TTC28: variants seen among roughly 807,000 people sequenced by gnomAD.
TTC28 encodes the protein tetratricopeptide repeat domain 28, also known as tetratricopeptide repeat protein 28.
In TTC28, 61 loss-of-function variants were observed where a neutral mutation model predicts 198.0. The observed-to-expected ratio is 0.31, with a 90% CI of 0.25 to 0.38. The LOEUF is 0.38. Ranked by LOEUF, TTC28 falls within the 10% of genes least tolerant of loss-of-function variation. The pLI is 1.00. For synonymous variants in TTC28, 1,171 were observed against 1,297.8 expected (o/e 0.90, Z 2.10); for missense variants, 2,678 against 3,164.0 (o/e 0.85, Z 3.69).
At chr22:28,274,230 A>T (rs1932269108) in intron 5 of TTC28, among the ~76,000 whole-genome samples, 1 of 152,230 alleles carries the variant, frequency 6.6e-6, no homozygotes, top group African/African-American at 2.4e-5. Context: ...GTAAAAGGAT[A>T]TATTTACTTT....
At position 28,356,697 on chromosome 22, in the gene TTC28, G is replaced by T. The variant is rs536069828; in HGVS notation, c.382-50054C>A. On this transcript the variant is annotated intron_variant, in intron 2 of 22. Transcript: ENST00000397906. ...TGTGTCCAAACCCAAGCCCTGTCAGGGGTGGAGAGTGGCAGTAGTCACTGA... is the reference window on the plus strand; with the variant it reads ...TGTGTCCAAACCCAAGCCCTGTCAGTGGTGGAGAGTGGCAGTAGTCACTGA... Among the ~76,000 whole-genome samples the T allele has an allele frequency of 4.5e-4, 69 of 152,326 alleles. 1 individual carries two copies. The South Asian group carries it at 0.014, about 31-fold the overall frequency.
intron 6 of TTC28, among the ~76,000 whole-genome samples, chr22:28,120,095 CAAT>C (rs1366204179): frequency 2.6e-5 from 4 of 151,708 alleles, no homozygotes; most frequent in Admixed American, 2.0e-4. Context: ...ACAGTAGTAG[CAAT>C]AATAATAATA....
At chr22:28,661,899 AC>A (rs1308539932) in intron 1 of TTC28, among the ~76,000 whole-genome samples, 1 of 151,710 alleles carries the variant, frequency 6.6e-6, no homozygotes, top group African/African-American at 2.4e-5. Context: ...GAGCCACTGC[AC>A]CTGGCCTAAA....
At chr22:28,536,409 G>A (rs1322607422) in intron 2 of TTC28, among the ~76,000 whole-genome samples, 1 of 151,630 alleles carries the variant, frequency 6.6e-6, no homozygotes, top group Admixed American at 6.6e-5. Flanking sequence ...CGGATCACGA[G>A]GTCAGGAGAT....
chr22:28,587,932 G>A (rs1185516432), intron 2 of TTC28, among the ~76,000 whole-genome samples: 2 of 151,738 alleles, frequency 1.3e-5, no homozygotes, highest in African/African-American at 4.8e-5. Context: ...ACGAGGTCAG[G>A]AGATCGAGAC....
In TTC28 at chr22:27,981,943, A is replaced by T; in HGVS notation, c.*278T>A. The T allele has an allele frequency of 2.7e-6, 1 of 365,006 alleles. No homozygotes were observed. Among genetic ancestry groups the T allele is most frequent in the Non-Finnish European group, 4.9e-6 (1 of 205,022 alleles). The allele number at this position is 365,006 out of a possible 1,614,324, so 22.6% of individuals were successfully genotyped here. ...AAGAATCATATCAAAGATGAGAAGC[A>T]GGGAGTTCAAAGGTAAACAAACATT... On this transcript the variant is annotated 3_prime_UTR_variant, in exon 23 of 23. Transcript: ENST00000397906.
chr22:28,156,665 C>T (rs767709800), intron 6 of TTC28, among the ~76,000 whole-genome samples: 7 of 152,064 alleles, frequency 4.6e-5, no homozygotes, highest in Admixed American at 6.5e-5. Context: ...CAAAACGAGA[C>T]GGAATATCTA....
intron 6 of TTC28, among the ~76,000 whole-genome samples, chr22:28,115,872 T>C (rs1942614615): frequency 6.6e-6 from 1 of 152,194 alleles, no homozygotes. Context: ...GTTTCAACTC[T>C]GAGGAGCCTG....
chr22:28,572,585 G>A (rs1356805010), intron 2 of TTC28, among the ~76,000 whole-genome samples: 6 of 152,038 alleles, frequency 3.9e-5, no homozygotes, highest in Non-Finnish European at 8.8e-5. Context: ...TTTGAAAACA[G>A]GCAGAAGCAG....
intron 5 of TTC28, among the ~76,000 whole-genome samples, chr22:28,292,520 C>G (rs1429091459): frequency 6.6e-6 from 1 of 152,148 alleles, no homozygotes; most frequent in South Asian, 2.1e-4. Flanking sequence ...GCCACTGTAC[C>G]CAACACTATA....
intron 2 of TTC28, among the ~76,000 whole-genome samples, chr22:28,319,793 T>C (rs548347328): frequency 6.6e-6 from 1 of 152,146 alleles, no homozygotes; most frequent in South Asian, 2.1e-4. Context: ...AAAGAAAGAG[T>C]TGATAGCCAG....
chr22:28,417,839 C>T (rs1336075095), intron 2 of TTC28, among the ~76,000 whole-genome samples: 31 of 152,144 alleles, frequency 2.0e-4, no homozygotes, highest in Admixed American at 2.0e-3. Flanking sequence ...CTGTATGAGT[C>T]TAAACCCAGA....
chr22:28,363,856 G>A (rs774301634), intron 2 of TTC28, among the ~76,000 whole-genome samples: 4 of 152,124 alleles, frequency 2.6e-5, no homozygotes, highest in Non-Finnish European at 2.9e-5. Context: ...CATTTGGAAT[G>A]GCTGTATTTT....
At chr22:28,048,250 G>A (rs1362131876) in intron 12 of TTC28, among the ~76,000 whole-genome samples, 3 of 152,104 alleles carry the variant, frequency 2.0e-5, no homozygotes, top group Non-Finnish European at 4.4e-5. Context: ...GATGCTATAA[G>A]AGATCCCACC....
chr22:28,632,768 TAAA>T (rs113714992), intron 1 of TTC28, among the ~76,000 whole-genome samples: 3 of 141,876 alleles, frequency 2.1e-5, no homozygotes. Flanking sequence ...TGTAAGTTAT[TAAA>T]AAAAAAAAAA....
intron 2 of TTC28, among the ~76,000 whole-genome samples, chr22:28,525,226 T>A (rs114605387): frequency 2.0e-3 from 301 of 152,294 alleles, no homozygotes; most frequent in Middle Eastern, 0.01. Flanking sequence ...CATGGCTCAC[T>A]GTATGTACCT....
chr22:28,132,373 G>A (rs942255659), intron 6 of TTC28, among the ~76,000 whole-genome samples: 1 of 152,178 alleles, frequency 6.6e-6, no homozygotes, highest in African/African-American at 2.4e-5. Context: ...ACAATTCTCA[G>A]CCTGGTGACT....
chr22:28,649,118 G>A (rs540881541), intron 1 of TTC28, among the ~76,000 whole-genome samples: 69 of 152,252 alleles, frequency 4.5e-4, no homozygotes, highest in African/African-American at 1.5e-3. Context: ...AATGGAAAAC[G>A]TAATCCCACA....
At chr22:28,252,544 T>A (rs1236759519) in intron 5 of TTC28, among the ~76,000 whole-genome samples, 2 of 152,216 alleles carry the variant, frequency 1.3e-5, no homozygotes, top group East Asian at 3.8e-4. Context: ...AGCCATTTAC[T>A]TGCAATAAGT....
Sources: gnomAD v4.1 joint callset for allele counts (sites outside exome capture counted in the v4.1 genomes callset) on GRCh38, gnomAD v4.1.1 for gene constraint, MANE v1.5 for transcripts, NCBI Gene and HGNC (gene_info 2026-07-23, HGNC 2026-07-21) for gene names.